Variants in FBXW11 observed in about 807,000 individuals in gnomAD.
FBXW11 encodes F-box/WD repeat-containing protein 11.
Under a neutral mutation model 77.6 loss-of-function variants are expected in FBXW11, and 19 were observed. That is an observed-to-expected ratio of 0.24 (90% CI 0.17 to 0.36). FBXW11 has a LOEUF of 0.36. Ranked by LOEUF, FBXW11 falls within the 10% of genes least tolerant of loss-of-function variation. The pLI, the probability that FBXW11 is intolerant of heterozygous loss-of-function variation, is 1.00. For missense variants in FBXW11, 334 were observed against 704.2 expected, an observed-to-expected ratio of 0.47 and a Z score of 5.95; for synonymous variants, 235 against 249.4, an observed-to-expected ratio of 0.94 and a Z score of 0.54.
chr5:171,953,643 G>A (rs1763466842), intron 2 of FBXW11, among the ~76,000 whole-genome samples: 2 of 152,160 alleles, frequency 1.3e-5, no homozygotes, highest in Admixed American at 1.3e-4. Context: ...GTAAGAATCA[G>A]TAAGAGGTGG....
At chr5:171,913,844 C>CACACACAT (rs1761056246) in intron 3 of FBXW11, among the ~76,000 whole-genome samples, 1 of 150,728 alleles carries the variant, frequency 6.6e-6, no homozygotes, top group South Asian at 2.1e-4. Flanking sequence ...CACACACACA[C>CACACACAT]ACACACACAC....
intron 2 of FBXW11, among the ~76,000 whole-genome samples, chr5:171,933,829 G>C (rs1289918569): frequency 6.6e-6 from 1 of 151,866 alleles, no homozygotes; most frequent in Non-Finnish European, 1.5e-5. Context: ...AAAATGTAGA[G>C]ACACATGCAA....
intron 13 of FBXW11, among the ~76,000 whole-genome samples, chr5:171,867,152 G>A (rs998946688): frequency 2.0e-5 from 3 of 152,126 alleles, no homozygotes; most frequent in Admixed American, 6.5e-5. Context: ...TTGGTTTACC[G>A]CTAATAGATG....
chr5:171,915,633 G>GTGTGTGTGTGTGTGTGTGTGTC, intron 2 of FBXW11, among the ~76,000 whole-genome samples: 1 of 151,684 alleles, frequency 6.6e-6, no homozygotes, highest in South Asian at 2.1e-4. Flanking sequence ...GTGTGTGTGT[G>GTGTGTGTGTGTGTGTGTGTGTC]TGTGTGTGTG....
chr5:171,884,899 A>C (rs1758776605), intron 7 of FBXW11, among the ~76,000 whole-genome samples: 1 of 152,328 alleles, frequency 6.6e-6, no homozygotes, highest in East Asian at 1.9e-4. Flanking sequence ...GGTTTACAGA[A>C]GAGCTACTGA....
chr5:171,953,006 G>C (rs2113283226), intron 2 of FBXW11, among the ~76,000 whole-genome samples: 1 of 152,194 alleles, frequency 6.6e-6, no homozygotes, highest in African/African-American at 2.4e-5. Context: ...TTCTTGCTCT[G>C]TCACCCAGGC....
intron 1 of FBXW11, among the ~76,000 whole-genome samples, chr5:171,964,617 A>C (rs2113369921): frequency 6.6e-6 from 1 of 152,370 alleles, no homozygotes; most frequent in South Asian, 2.1e-4. Context: ...CAAAGCATTC[A>C]GAAGAGTCTT....
intron 1 of FBXW11, among the ~76,000 whole-genome samples, chr5:171,994,075 A>G (rs1765898556): frequency 1.3e-5 from 2 of 152,250 alleles, no homozygotes; most frequent in Admixed American, 1.3e-4. Context: ...TGTTTTCTAC[A>G]GAAGGTAAGA....
chr5:171,951,942 A>C (rs1252647214), intron 2 of FBXW11, among the ~76,000 whole-genome samples: 2 of 152,224 alleles, frequency 1.3e-5, no homozygotes, highest in African/African-American at 4.8e-5. Flanking sequence ...TTCAAGATTA[A>C]GTTGAATAAT....
chr5:171,980,193 T>C (rs1765066727), intron 1 of FBXW11, among the ~76,000 whole-genome samples: 2 of 152,246 alleles, frequency 1.3e-5, no homozygotes, highest in Admixed American at 6.5e-5. Context: ...GTACAGGTCT[T>C]TGAATAAATT....
intron 1 of FBXW11, 110 bp downstream of exon 1, chr5:172,006,348 C>G: frequency 1.0e-6 from 1 of 972,864 alleles, no homozygotes; most frequent in Non-Finnish European, 1.4e-6. Context: ...GGGTCTGGGT[C>G]GAGGCGTCTG....
chr5:171,868,830 A>G, intron 12 of FBXW11, 34 bp from the exon 13 acceptor site: 1 of 1,589,408 alleles, frequency 6.3e-7, no homozygotes, highest in Non-Finnish European at 8.6e-7. Context: ...ATAAAATGAG[A>G]TCTTTACAGC....
intron 1 of FBXW11, among the ~76,000 whole-genome samples, chr5:171,978,607 G>A (rs1030591815): frequency 2.0e-5 from 3 of 152,164 alleles, no homozygotes; most frequent in South Asian, 2.1e-4. Context: ...CAGAGTCTAC[G>A]CAGAGAAGGG....
chr5:171,871,111 T>C (rs944236198), intron 10 of FBXW11, among the ~76,000 whole-genome samples: 2 of 152,222 alleles, frequency 1.3e-5, no homozygotes, highest in African/African-American at 4.8e-5. Context: ...TTTGAAACTG[T>C]TTTTAATCAT....
At chr5:171,996,634 G>A (rs975075990) in intron 1 of FBXW11, among the ~76,000 whole-genome samples, 4 of 152,218 alleles carry the variant, frequency 2.6e-5, no homozygotes, top group African/African-American at 9.7e-5. Context: ...CTGCAGTCCA[G>A]CCTGGGCGAC....
chr5:171,981,922 CAGTATGTGCATCT>C (rs1370528499), intron 1 of FBXW11, among the ~76,000 whole-genome samples: 1 of 152,170 alleles, frequency 6.6e-6, no homozygotes, highest in African/African-American at 2.4e-5. Flanking sequence ...AGAGTGCATA[CAGTATGTGCATCT>C]TGTATGATTC....
At chr5:171,895,648 G>A (rs1759692614) in intron 6 of FBXW11, among the ~76,000 whole-genome samples, 1 of 152,176 alleles carries the variant, frequency 6.6e-6, no homozygotes, top group African/African-American at 2.4e-5. Context: ...AGAACTCTAG[G>A]GCTGTTATAA....
chr5:171,982,788 G>A (rs1765219585), intron 1 of FBXW11, among the ~76,000 whole-genome samples: 1 of 152,088 alleles, frequency 6.6e-6, no homozygotes, highest in Admixed American at 6.6e-5. Context: ...CGGAATCTCG[G>A]TGACCTTCTC....
chr5:171,993,617 AAAAAG>A (rs996066436), intron 1 of FBXW11, among the ~76,000 whole-genome samples: 24 of 152,174 alleles, frequency 1.6e-4, no homozygotes, highest in African/African-American at 4.6e-4. Context: ...TGTCTCAAAA[AAAAAG>A]AAAAGAAAAG....
Sources: allele counts gnomAD v4.1 joint callset (sites outside exome capture counted in the v4.1 genomes callset), GRCh38; gene constraint gnomAD v4.1.1; transcripts MANE v1.5; gene names NCBI Gene and HGNC (gene_info 2026-07-23, HGNC 2026-07-21).